SPATA16: variants seen among roughly 807,000 people sequenced by gnomAD.
SPATA16 encodes spermatogenesis-associated protein 16.
A neutral mutation model predicts 63.3 loss-of-function variants in SPATA16; 36 were observed. The ratio of observed to expected loss-of-function variants is 0.57; its 90% CI spans 0.44 to 0.75. The LOEUF (loss-of-function observed/expected upper bound fraction) is 0.75, where lower values mean the gene tolerates loss of function less well. SPATA16 is among the 30% of genes least tolerant of loss of function. SPATA16 has a pLI of 0.00. For synonymous variants in SPATA16, 203 were observed against 216.7 expected (o/e 0.94, Z 0.56); for missense variants, 646 against 679.3 (o/e 0.95, Z 0.54).
chr3:172,922,035 C>G (rs1289102045), intron 8 of SPATA16, among the ~76,000 whole-genome samples: 1 of 152,176 alleles, frequency 6.6e-6, no homozygotes, highest in Non-Finnish European at 1.5e-5. Flanking sequence ...ACAGAGGGCT[C>G]CTTGGGTTAC....
At chr3:173,119,639 T>G (rs1318227824) in intron 1 of SPATA16, among the ~76,000 whole-genome samples, 1 of 152,232 alleles carries the variant, frequency 6.6e-6, no homozygotes, top group Non-Finnish European at 1.5e-5. Context: ...TGTGTTTCTA[T>G]AGGATAAAAC....
intron 2 of SPATA16, among the ~76,000 whole-genome samples, chr3:173,075,006 A>AG (rs1736760311): frequency 6.7e-6 from 1 of 150,262 alleles, no homozygotes; most frequent in Non-Finnish European, 1.5e-5. Flanking sequence ...AAAAAAAAAA[A>AG]AAAAAAGGAA....
chr3:173,005,479 A>AT (rs926326167), intron 4 of SPATA16, among the ~76,000 whole-genome samples: 5 of 152,030 alleles, frequency 3.3e-5, no homozygotes, highest in African/African-American at 1.2e-4. Context: ...TTTCTTTAAT[A>AT]TGCAAGGCTG....
At position 173,118,538 on chromosome 3, in the gene SPATA16, A is replaced by C. The variant is rs550880568; in HGVS notation, c.-18-789T>G. The stretch of plus-strand genomic sequence containing the variant: ...CTTCTAGATTTGTTTCAAAATATCA[A>C]GTGTTCTAAGATATAATAATTATTT... On this transcript the variant is annotated intron_variant, in intron 1 of 10. Transcript: ENST00000351008. 5.2e-4 allele frequency among the ~76,000 whole-genome samples: 79 copies of C among 152,336 alleles called. 1 individual carries two copies. The South Asian group carries it at 9.7e-3, about 19-fold the overall frequency.
At chr3:172,969,898 G>GGA (rs1299858110) in intron 5 of SPATA16, among the ~76,000 whole-genome samples, 1 of 152,154 alleles carries the variant, frequency 6.6e-6, no homozygotes, top group Non-Finnish European at 1.5e-5. Context: ...CCTGCATTTT[G>GGA]CCATAAAAAG....
At chr3:173,077,571 T>C (rs914289523) in intron 2 of SPATA16, among the ~76,000 whole-genome samples, 2 of 152,286 alleles carry the variant, frequency 1.3e-5, no homozygotes, top group Non-Finnish European at 2.9e-5. Flanking sequence ...TGGTGAGATA[T>C]AACAGAAAGA....
Position 172,889,629 on chromosome 3 carries a change from T to C in SPATA16, c.1651A>G (p.Arg551Gly). The change falls in exon 11 of 11, where the codon AGA (arginine) becomes GGA (glycine). Residue 551 changes from arginine to glycine, a missense_variant. Physicochemically the swap from Arg to Gly is moderately radical, Grantham distance 125. Transcript: ENST00000351008. ...EDSFLKTKKL[R>G]TARRQKTKMK... The stretch of plus-strand genomic sequence containing the variant: ...TTTGTTTTTTGCCTTCGAGCAGTTC[T>C]CAGTTTTTTAGTTTTTAAGAAACTG... 6.2e-7 allele frequency: 1 copy of C among 1,613,912 alleles called. No homozygotes were observed. Among genetic ancestry groups the C allele is most frequent in the Non-Finnish European group, 8.5e-7 (1 of 1,179,880 alleles).
At chr3:172,976,942 T>G (rs773040800) in intron 5 of SPATA16, 26 bp downstream of exon 5, 1 of 1,595,402 alleles carries the variant, frequency 6.3e-7, no homozygotes, top group South Asian at 1.1e-5. Flanking sequence ...GGGTTTCTCC[T>G]CCCTAGTTGG....
chr3:173,003,222 G>A (rs145972083), intron 4 of SPATA16, among the ~76,000 whole-genome samples: 6 of 151,992 alleles, frequency 3.9e-5, no homozygotes, highest in African/African-American at 9.7e-5. Flanking sequence ...TAAAAAGTGA[G>A]CAAAAACAAA....
chr3:172,906,579 C>G (rs201991563), intron 10 of SPATA16, among the ~76,000 whole-genome samples: 1 of 138,406 alleles, frequency 7.2e-6, no homozygotes, highest in Admixed American at 7.3e-5. Flanking sequence ...TGTTCAACTA[C>G]AGACAACAGT....
chr3:172,904,717 T>C lies in SPATA16; in HGVS notation c.1587+8944A>G, dbSNP rs1208817920. Among the ~76,000 whole-genome samples the C allele has an allele frequency of 3.3e-5, 5 of 152,210 alleles. No individual in the cohort carries two copies. In the East Asian group the frequency reaches 9.6e-4, roughly 29 times the overall value. ...GAAAGATGTTGGTTTAAATTATAAT[T>C]GAAGTTTACCATCTAGATTTGGAGC... On this transcript the variant is annotated intron_variant, in intron 10 of 10. Coordinates refer to ENST00000351008, the MANE Select transcript of SPATA16 (RefSeq NM_031955.6).
intron 5 of SPATA16, among the ~76,000 whole-genome samples, chr3:172,971,125 A>G (rs539111568): frequency 3.9e-5 from 6 of 152,248 alleles, no homozygotes; most frequent in Admixed American, 3.9e-4. Flanking sequence ...GAGGCTAAGA[A>G]CTTGGAACTT....
intron 3 of SPATA16, among the ~76,000 whole-genome samples, chr3:173,046,910 C>T (rs1295026730): frequency 1.3e-5 from 2 of 151,874 alleles, no homozygotes; most frequent in Non-Finnish European, 2.9e-5. Context: ...GACTGTTTAA[C>T]CTTTATTGAT....
intron 4 of SPATA16, among the ~76,000 whole-genome samples, chr3:173,019,121 G>A (rs1424539100): frequency 6.6e-5 from 10 of 152,018 alleles, no homozygotes; most frequent in Admixed American, 5.2e-4. Context: ...TCTTTTTCAC[G>A]TGATTGGATT....
intron 2 of SPATA16, among the ~76,000 whole-genome samples, chr3:173,102,557 A>G (rs2108326498): frequency 6.6e-6 from 1 of 152,176 alleles, no homozygotes; most frequent in Non-Finnish European, 1.5e-5. Context: ...ACAAACTTTT[A>G]AACAACGAGA....
At chr3:173,026,458 T>C (rs1735455796) in intron 3 of SPATA16, among the ~76,000 whole-genome samples, 1 of 151,892 alleles carries the variant, frequency 6.6e-6, no homozygotes, top group Non-Finnish European at 1.5e-5. Context: ...TTATCGACTG[T>C]TTTTCTTTTA....
At chr3:173,002,858 A>G (rs570869731) in intron 4 of SPATA16, among the ~76,000 whole-genome samples, 37 of 152,316 alleles carry the variant, frequency 2.4e-4, no homozygotes, top group African/African-American at 7.9e-4. Context: ...TTATCCACTG[A>G]GGTGAAAACT....
chr3:173,029,691 TA>T (rs1038603156), intron 3 of SPATA16, among the ~76,000 whole-genome samples: 48 of 152,080 alleles, frequency 3.2e-4, no homozygotes, highest in African/African-American at 1.2e-3. Flanking sequence ...TTTGAAAAGA[TA>T]GTCTGGAGCA....
chr3:173,028,267 A>G (rs182026846), intron 3 of SPATA16, among the ~76,000 whole-genome samples: 50 of 151,648 alleles, frequency 3.3e-4, no homozygotes, highest in South Asian at 1.0e-3. Context: ...AGCTAGGAAC[A>G]TGGAATGTTT....
Sources: allele counts gnomAD v4.1 joint callset (sites outside exome capture counted in the v4.1 genomes callset), GRCh38; gene constraint gnomAD v4.1.1; transcripts MANE v1.5; gene names NCBI Gene and HGNC (gene_info 2026-07-23, HGNC 2026-07-21).